LIMCH1: variants seen among roughly 807,000 people sequenced by gnomAD.
The protein encoded by LIMCH1 is LIM and calponin homology domains-containing protein 1.
In LIMCH1, 113 loss-of-function variants were observed where a neutral mutation model predicts 176.5. The ratio of observed to expected loss-of-function variants is 0.64; its 90% CI spans 0.55 to 0.75. The LOEUF (loss-of-function observed/expected upper bound fraction) is 0.75. Among genes scored for constraint, LIMCH1 ranks in the 30% least tolerant of loss-of-function variants. The probability of loss-of-function intolerance (pLI) is 0.00; values close to 1 mark genes in which losing one functional copy is unlikely to be tolerated. For missense variants in LIMCH1, 1,674 were observed against 1,814.9 expected (o/e 0.92, Z 1.41); for synonymous variants, 619 against 645.9 (o/e 0.96, Z 0.63).
intron 1 of LIMCH1, among the ~76,000 whole-genome samples, chr4:41,596,369 A>G (rs754010699): frequency 2.1e-4 from 32 of 152,068 alleles, no homozygotes; most frequent in Non-Finnish European, 3.7e-4. Context: ...AGTACTGAGT[A>G]AAGACAAGTC....
At chr4:41,389,018 T>G (rs2056872009) in intron 1 of LIMCH1, 1 of 152,248 alleles carries the variant, frequency 6.6e-6, no homozygotes. Context: ...GTAAGATATC[T>G]ATAGTACTTT....
intron 2 of LIMCH1, among the ~76,000 whole-genome samples, chr4:41,506,451 AGCACCAAATTAG>A (rs1220002999): frequency 6.6e-6 from 1 of 152,202 alleles, no homozygotes; most frequent in African/African-American, 2.4e-5. Context: ...TGTGCTGCAT[AGCACCAAATTAG>A]GCACCAAGAG....
chr4:41,598,906 T>C lies in LIMCH1; in HGVS notation c.-240-14T>C. 6.6e-7 allele frequency: 1 copy of C among 1,521,896 alleles called. No homozygotes were observed. The allele number at this position is 1,521,896 out of a possible 1,614,324, so 94.3% of individuals were successfully genotyped here. The stretch of plus-strand genomic sequence containing the variant: ...TAAGATAATATAGACTTATATTTCT[T>C]TTTTTCCTTCTAGGACAATATTATC... On this transcript the variant is annotated splice_polypyrimidine_tract_variant and intron_variant, in intron 1 of 31. Coordinates refer to ENST00000503057, the MANE Select transcript of LIMCH1 (RefSeq NM_001330672.2).
intron 1 of LIMCH1, among the ~76,000 whole-genome samples, chr4:41,413,495 A>ATTTT (rs10631082): frequency 2.7e-3 from 378 of 139,492 alleles, no homozygotes; most frequent in East Asian, 8.9e-3. Context: ...ATGCCTGGCT[A>ATTTT]TTTTTTTTTT....
chr4:41,680,085 G>T lies in LIMCH1; in HGVS notation c.3599G>T (p.Arg1200Ile), dbSNP rs368642004. 1 of 1,603,898 alleles carries T rather than the reference G, an allele frequency of 6.2e-7. No homozygotes were observed. Among genetic ancestry groups the T allele is most frequent in the South Asian group, 1.1e-5 (1 of 88,826 alleles). ...AQKEVEEEER[R>I]YYEEERKIIE... is the part of the protein sequence containing the mutation. Reference sequence around the variant, plus strand: ...AAGGAGGTGGAAGAGGAAGAACGCAGATACTATGAGGAGGTAGGAAATTCC... The same window carrying T: ...AAGGAGGTGGAAGAGGAAGAACGCATATACTATGAGGAGGTAGGAAATTCC... The change falls in exon 24 of 32, where the codon AGA becomes ATA. Residue 1200 changes from arginine (R) to isoleucine (I), a missense_variant. By Grantham distance (97) the Arg-to-Ile change is moderately conservative. Transcript: ENST00000503057.
chr4:41,471,479 C>G (rs535066427), intron 1 of LIMCH1, among the ~76,000 whole-genome samples: 2 of 152,230 alleles, frequency 1.3e-5, no homozygotes, highest in Non-Finnish European at 2.9e-5. Context: ...AACTGGTTCA[C>G]TGGCTCTTGG....
chr4:41,458,478 G>A (rs771530734), intron 1 of LIMCH1, among the ~76,000 whole-genome samples: 2 of 152,048 alleles, frequency 1.3e-5, no homozygotes, highest in African/African-American at 2.4e-5. Context: ...GGAAAGGTGA[G>A]TTAAAGATGG....
chr4:41,539,671 CT>C (rs1446739287), intron 1 of LIMCH1, among the ~76,000 whole-genome samples: 1 of 152,184 alleles, frequency 6.6e-6, no homozygotes, highest in Non-Finnish European at 1.5e-5. Context: ...GCATTCCAGG[CT>C]GATACATAGT....
chr4:41,512,284 C>T (rs777480977), intron 2 of LIMCH1, among the ~76,000 whole-genome samples: 1 of 152,130 alleles, frequency 6.6e-6, no homozygotes, highest in Non-Finnish European at 1.5e-5. Context: ...GAAATGAGAA[C>T]TTTCATGCAT....
intron 7 of LIMCH1, among the ~76,000 whole-genome samples, chr4:41,624,663 G>C (rs1232607092): frequency 6.6e-6 from 1 of 151,972 alleles, no homozygotes; most frequent in East Asian, 1.9e-4. Flanking sequence ...GGACTAACAG[G>C]CTTTTCTGGA....
chr4:41,531,258 G>A (rs912626706), intron 3 of LIMCH1, among the ~76,000 whole-genome samples: 2 of 151,962 alleles, frequency 1.3e-5, no homozygotes, highest in Admixed American at 6.6e-5. Flanking sequence ...AATTGAGGAA[G>A]TGGCCTTTTT....
intron 5 of LIMCH1, among the ~76,000 whole-genome samples, chr4:41,616,445 C>T (rs373449032): frequency 1.3e-5 from 2 of 152,192 alleles, no homozygotes; most frequent in African/African-American, 4.8e-5. Flanking sequence ...AGGAGAATCA[C>T]TTGAACCTGG....
chr4:41,558,368 A>T (rs975752040), intron 1 of LIMCH1, among the ~76,000 whole-genome samples: 7 of 152,222 alleles, frequency 4.6e-5, no homozygotes, highest in African/African-American at 1.7e-4. Context: ...CGTTTAAGCC[A>T]CTGGCTAAAT....
rs551176123 is a variant in LIMCH1 at position 41,619,335 on chromosome 4, C to T, written c.353C>T (p.Thr118Met). 6.6e-5 allele frequency: 107 copies of T among 1,614,176 alleles called. No individual in the cohort carries two copies. Among genetic ancestry groups the T allele is most frequent in the South Asian group, 2.0e-4 (18 of 91,076 alleles). Residue 118 changes from threonine to methionine, a missense_variant, in exon 6 of 32, where the codon ACG (threonine) becomes ATG (methionine). Coordinates refer to ENST00000503057, the MANE Select transcript of LIMCH1 (RefSeq NM_001330672.2). ...NQYLPNKSNQTAYVPAPLRKK... is the reference protein window; with the variant it reads ...NQYLPNKSNQMAYVPAPLRKK... ...TACCTCCCGAACAAAAGCAATCAGA[C>T]GGCCTACGTCCCCGCGCCTCTGAGA...
chr4:41,549,553 C>T (rs181146142), intron 1 of LIMCH1, among the ~76,000 whole-genome samples: 82 of 152,022 alleles, frequency 5.4e-4, no homozygotes, highest in African/African-American at 1.9e-3. Context: ...ATAATAGTAC[C>T]CTCACTTAAA....
rs1048580456 is a variant in LIMCH1, at chr4:41,428,769, C to G, written c.97-65767C>G. ...GTTGGATTGAGGAAAGATGAAAGAG[C>G]TGACACTTGGTATCTAAGTCATTTC... On this transcript the variant is annotated intron_variant, in intron 1 of 26. Coordinates refer to the LIMCH1 transcript ENST00000313860. 3.9e-5 allele frequency among the ~76,000 whole-genome samples: 6 copies of G among 152,268 alleles called. No homozygotes were observed. In the East Asian group the frequency reaches 9.6e-4, roughly 24 times the overall value.
chr4:41,363,370 G>A (rs1324378569), intron 1 of LIMCH1, among the ~76,000 whole-genome samples: 1 of 152,116 alleles, frequency 6.6e-6, no homozygotes, highest in Non-Finnish European at 1.5e-5. Flanking sequence ...CATTGGTAGG[G>A]CTTTGTTTTT....
intron 2 of LIMCH1, among the ~76,000 whole-genome samples, chr4:41,512,336 A>G (rs1349554026): frequency 6.6e-6 from 1 of 152,212 alleles, no homozygotes; most frequent in Non-Finnish European, 1.5e-5. Flanking sequence ...TTTGGAAAAC[A>G]GTTTGGCAGT....
intron 1 of LIMCH1, among the ~76,000 whole-genome samples, chr4:41,446,216 T>C (rs2063275997): frequency 6.6e-6 from 1 of 152,002 alleles, no homozygotes; most frequent in Non-Finnish European, 1.5e-5. Flanking sequence ...GAAGCACAGA[T>C]GGGGCCTGTG....
Sources: allele counts gnomAD v4.1 joint callset (sites outside exome capture counted in the v4.1 genomes callset), GRCh38; gene constraint gnomAD v4.1.1; transcripts MANE v1.5; gene names NCBI Gene and HGNC (gene_info 2026-07-23, HGNC 2026-07-21).